Variants in APP observed in about 807,000 individuals in gnomAD.
The protein encoded by APP is amyloid-beta precursor protein.
APP carries 31 observed loss-of-function variants against 101.4 expected under a neutral mutation model. The observed-to-expected ratio is 0.31, with a 90% CI of 0.23 to 0.41. The LOEUF is 0.41. Among genes scored for constraint, APP ranks in the 10% least tolerant of loss-of-function variants. The pLI is 1.00. For missense variants in APP, 839 were observed against 1,003.7 expected, an observed-to-expected ratio of 0.84 and a Z score of 2.22; for synonymous variants, 366 against 364.4, an observed-to-expected ratio of 1.00 and a Z score of -0.05.
chr21:26,118,545 G>A (rs1239627546), intron 1 of APP, among the ~76,000 whole-genome samples: 1 of 152,052 alleles, frequency 6.6e-6, no homozygotes, highest in African/African-American at 2.4e-5. Flanking sequence ...GTTTTTCTGT[G>A]TGTCTTTTGT....
intron 17 of APP, 104 bp downstream of exon 17, chr21:25,891,618 T>TCG: frequency 8.7e-7 from 1 of 1,155,048 alleles, no homozygotes. Context: ...GCACACTGAT[T>TCG]CGTTTTTTAA....
chr21:26,134,535 C>T (rs1159529968), intron 1 of APP, among the ~76,000 whole-genome samples: 2 of 152,162 alleles, frequency 1.3e-5, no homozygotes, highest in Non-Finnish European at 2.9e-5. Flanking sequence ...GGGTGAGGTG[C>T]GGCTGAAGAG....
chr21:26,138,064 A>G (rs528779872), intron 1 of APP, among the ~76,000 whole-genome samples: 15 of 152,338 alleles, frequency 9.8e-5, no homozygotes, highest in African/African-American at 3.1e-4. Context: ...TCTGAAACCA[A>G]AACATGTACT....
chr21:25,960,270 A>C (rs2041520178), intron 11 of APP, among the ~76,000 whole-genome samples: 1 of 150,984 alleles, frequency 6.6e-6, no homozygotes. Flanking sequence ...ACTTAATCTA[A>C]ATGGGTCTAG....
At chr21:26,013,222 G>A (rs1316316273) in intron 6 of APP, among the ~76,000 whole-genome samples, 1 of 151,806 alleles carries the variant, frequency 6.6e-6, no homozygotes, top group Non-Finnish European at 1.5e-5. Flanking sequence ...GAGGCTGAGA[G>A]AGGAGACTCA....
intron 16 of APP, 130 bp downstream of exon 16, chr21:25,897,443 G>A (rs547350155): frequency 7.4e-5 from 59 of 802,196 alleles, no homozygotes; most frequent in Non-Finnish European, 1.1e-4. Flanking sequence ...ATGTTTTCAT[G>A]GTAATCCTAT....
chr21:25,918,673 C>G (rs1487042008), intron 13 of APP, among the ~76,000 whole-genome samples: 1 of 151,666 alleles, frequency 6.6e-6, no homozygotes. Flanking sequence ...CTTTTCAGAC[C>G]GGCTTAAGAA....
chr21:26,147,869 C>A (rs574663954), intron 1 of APP, among the ~76,000 whole-genome samples: 1 of 151,968 alleles, frequency 6.6e-6, no homozygotes, highest in Non-Finnish European at 1.5e-5. Context: ...CCCAACCCCC[C>A]CAAAAAAACC....
intron 2 of APP, among the ~76,000 whole-genome samples, chr21:26,090,628 AT>A (rs2061803774): frequency 1.3e-5 from 2 of 152,210 alleles, no homozygotes; most frequent in Non-Finnish European, 1.5e-5. Flanking sequence ...GCATGGGGTG[AT>A]TTTTGATGTG....
intron 11 of APP, among the ~76,000 whole-genome samples, chr21:25,961,628 G>A (rs1380471232): frequency 6.6e-6 from 1 of 152,086 alleles, no homozygotes; most frequent in Non-Finnish European, 1.5e-5. Flanking sequence ...ATGTATCTAA[G>A]AATAACAAGG....
intron 3 of APP, among the ~76,000 whole-genome samples, chr21:26,060,219 C>A (rs2046217065): frequency 6.6e-6 from 1 of 152,170 alleles, no homozygotes; most frequent in Admixed American, 6.5e-5. Context: ...TTCATTGCAC[C>A]ATCACCACCT....
chr21:25,997,368 G>C lies in APP; in HGVS notation c.1082C>G (p.Pro361Arg), dbSNP rs771045093. 6.2e-7 allele frequency: 1 copy of C among 1,613,908 alleles called. No homozygotes were observed. The highest frequency in any genetic ancestry group is 8.5e-7 in the Non-Finnish European group (1 of 1,179,800). ...KTTQEPLARDPVKLPTTAAST... is the reference protein window; with the variant it reads ...KTTQEPLARDRVKLPTTAAST... ...GGTGAATGACAACGTACGTTTAACA[G>C]GATCTCGGGCAAGAGGTTCCTGGGT... Residue 361 changes from proline to arginine, a missense_variant, in exon 8 of 18, where the codon CCT becomes CGT. Physicochemically the swap from Pro to Arg is moderately radical, Grantham distance 103. Transcript: ENST00000346798.
intron 1 of APP, among the ~76,000 whole-genome samples, chr21:26,123,868 T>G (rs930121591): frequency 1.3e-5 from 2 of 152,064 alleles, no homozygotes; most frequent in Non-Finnish European, 2.9e-5. Flanking sequence ...ACGCCAATAT[T>G]AGGAGGGTGC....
At chr21:26,068,976 G>A (rs1049822726) in intron 3 of APP, among the ~76,000 whole-genome samples, 1 of 152,100 alleles carries the variant, frequency 6.6e-6, no homozygotes, top group South Asian at 2.1e-4. Context: ...ATCAAATTCC[G>A]GAAGTGTACC....
intron 5 of APP, among the ~76,000 whole-genome samples, chr21:26,039,016 T>G (rs73340732): frequency 0.033 from 5,101 of 152,288 alleles, 294 homozygotes; most frequent in African/African-American, 0.12. Flanking sequence ...AAGCAAAGAT[T>G]ATCTTATTTA....
At chr21:26,109,993 A>G (rs567561695) in intron 2 of APP, among the ~76,000 whole-genome samples, 15 of 152,300 alleles carry the variant, frequency 9.8e-5, no homozygotes, top group Non-Finnish European at 1.0e-4. Flanking sequence ...GATTTATAAA[A>G]TTTATAACTT....
At chr21:26,135,011 C>T (rs1044597220) in intron 1 of APP, among the ~76,000 whole-genome samples, 5 of 152,198 alleles carry the variant, frequency 3.3e-5, no homozygotes, top group Non-Finnish European at 5.9e-5. Flanking sequence ...TTAAAATCAT[C>T]CAACATTTTA....
intron 8 of APP, among the ~76,000 whole-genome samples, chr21:25,983,215 TATA>T (rs1299327385): frequency 6.6e-6 from 1 of 152,220 alleles, no homozygotes; most frequent in East Asian, 1.9e-4. Flanking sequence ...CCAAGTGAAT[TATA>T]ATACCTATAC....
chr21:26,103,447 A>G (rs902614438), intron 2 of APP, among the ~76,000 whole-genome samples: 4 of 126,352 alleles, frequency 3.2e-5, no homozygotes, highest in African/African-American at 1.2e-4. Flanking sequence ...CCAAAATACA[A>G]AAATTAGCCA....
Sources: gnomAD v4.1 joint callset for allele counts (sites outside exome capture counted in the v4.1 genomes callset) on GRCh38, gnomAD v4.1.1 for gene constraint, MANE v1.5 for transcripts, NCBI Gene and HGNC (gene_info 2026-07-23, HGNC 2026-07-21) for gene names.